DPP3: variants seen among roughly 807,000 people sequenced by gnomAD.
The protein encoded by DPP3 is DPP III.
Under a neutral mutation model 89.8 loss-of-function variants are expected in DPP3, and 64 were observed. The observed-to-expected ratio is 0.71, with a 90% CI of 0.58 to 0.88. DPP3 has a LOEUF of 0.88. DPP3 is among the 40% of genes least tolerant of loss of function. The pLI is 0.00. For synonymous variants in DPP3, 377 were observed against 404.3 expected (o/e 0.93, Z 0.81); for missense variants, 835 against 972.5 (o/e 0.86, Z 1.88).
At chr11:66,482,502 G>C in intron 2 of DPP3, 32 bp downstream of exon 2, 2 of 1,589,006 alleles carry the variant, frequency 1.3e-6, no homozygotes, top group Non-Finnish European at 8.5e-7. Context: ...CACATTACCT[G>C]AGTGGCTTCT....
intron 16 of DPP3, among the ~76,000 whole-genome samples, chr11:66,501,868 G>T (rs897323829): frequency 6.7e-6 from 1 of 148,300 alleles, no homozygotes; most frequent in African/African-American, 2.5e-5. Context: ...ATATGATTGA[G>T]AGTAAAACTC....
chr11:66,508,181 G>A lies in DPP3; in HGVS notation c.2042-898G>A, dbSNP rs541730278. 2.6e-5 allele frequency among the ~76,000 whole-genome samples: 4 copies of A among 152,354 alleles called. No individual in the cohort carries two copies. The East Asian group carries it at 5.8e-4, about 22-fold the overall frequency. ...TGCAGCTTGTGATGTCATGGAACAC[G>A]ACAAGGTGCACAGAGAGGGTAGAGC... On this transcript the variant is annotated intron_variant, in intron 17 of 17. Coordinates refer to ENST00000531863, the MANE Select transcript of DPP3 (RefSeq NM_130443.4).
chr11:66,495,520 T>C (rs1255692234), intron 14 of DPP3, 31 bp downstream of exon 14: 1 of 1,609,448 alleles, frequency 6.2e-7, no homozygotes, highest in Non-Finnish European at 8.5e-7. Flanking sequence ...GGGCGGGCTG[T>C]CCCGCTGCAG....
chr11:66,504,332 C>T (rs1397519629), intron 16 of DPP3, among the ~76,000 whole-genome samples: 1 of 152,040 alleles, frequency 6.6e-6, no homozygotes, highest in Non-Finnish European at 1.5e-5. Flanking sequence ...CAAGTGATCC[C>T]CTGCCTCCTC....
chr11:66,508,102 T>A lies in DPP3; in HGVS notation c.2042-977T>A, dbSNP rs1181102167. Among the ~76,000 whole-genome samples the A allele has an allele frequency of 8.5e-5, 13 of 152,332 alleles. No homozygotes were observed. In the South Asian group the frequency reaches 1.9e-3, roughly 22 times the overall value. On this transcript the variant is annotated intron_variant, in intron 17 of 17. Coordinates refer to ENST00000531863, the MANE Select transcript of DPP3 (RefSeq NM_130443.4). ...GTGTATTTGCCTGCGGTCACAAAGC[T>A]GTTGGGTGGCAGAGCCAGAACTTGA...
chr11:66,491,055 C>T (rs1177100166), intron 6 of DPP3, among the ~76,000 whole-genome samples, 198 bp from the exon 7 acceptor site: 1 of 152,112 alleles, frequency 6.6e-6, no homozygotes, highest in Admixed American at 6.5e-5. Context: ...AGGCGTAAGC[C>T]ACCATGCCCG....
rs1441207501 is a variant in DPP3, at chr11:66,490,767, G to GTTTTTTTTT, written c.668-482_668-481insTTTTTTTTT. On this transcript the variant is annotated intron_variant, in intron 6 of 17. Coordinates refer to ENST00000531863, the MANE Select transcript of DPP3 (RefSeq NM_130443.4). ...TTTGGGGTTTTGTTTTGTTTTTTTT[G>GTTTTTTTTT]TTTTGTTTTTTTTTTTTTTGAGATG... is the stretch of plus-strand genomic sequence containing the variant. Among the ~76,000 whole-genome samples the GTTTTTTTTT allele has an allele frequency of 2.9e-5, 4 of 138,088 alleles. No individual in the cohort carries two copies. The East Asian group carries it at 8.3e-4, about 29-fold the overall frequency. 90.6% of individuals were successfully genotyped at this position (138,088 alleles called of 152,430 possible).
rs1189692 is a variant in DPP3 at position 66,482,544 on chromosome 11, C to G, written c.270+74C>G. Reference sequence around the variant, plus strand: ...GAAAGACCAGGATGCAAATGTCTGTCTCTTTCAAGGGGTAGGTGGAGGATT... The same window carrying G: ...GAAAGACCAGGATGCAAATGTCTGTGTCTTTCAAGGGGTAGGTGGAGGATT... On this transcript the variant is annotated intron_variant, in intron 2 of 17. Transcript: ENST00000531863. The G allele has an allele frequency of 6.7e-4, 1,040 of 1,562,874 alleles. 2 individuals are homozygous for G. The African/African-American group carries it at 9.9e-3, about 15-fold the overall frequency.
chr11:66,485,343 A>G (rs536393449), intron 3 of DPP3, 81 bp downstream of exon 3: 26 of 1,382,436 alleles, frequency 1.9e-5, no homozygotes, highest in East Asian at 9.4e-5. Context: ...AGGAGCCCCA[A>G]CTGGAGTGTC....
At chr11:66,503,591 A>G (rs1855730783) in intron 16 of DPP3, among the ~76,000 whole-genome samples, 1 of 152,184 alleles carries the variant, frequency 6.6e-6, no homozygotes, top group Admixed American at 6.6e-5. Flanking sequence ...GGTGATTTAT[A>G]AAGAACAGAA....
rs201848080 is a variant in DPP3, at chr11:66,509,165, G to A, written c.2128G>A (p.Glu710Lys). The change falls in exon 18 of 18, where the codon GAG becomes AAG. Residue 710 changes from glutamate (E) to lysine (K), a missense_variant. By Grantham distance (56) the Glu-to-Lys change is moderately conservative. Coordinates refer to ENST00000531863, the MANE Select transcript of DPP3 (RefSeq NM_130443.4). Reference sequence around the variant, plus strand: ...TGAGCGTTTCCCAGAGGATGGACCCGAGTTGGAGGAGATCCTCACACAGCT... The same window carrying A: ...TGAGCGTTTCCCAGAGGATGGACCCAAGTTGGAGGAGATCCTCACACAGCT... ...FSERFPEDGP[E>K]LEEILTQLAT... The A allele has an allele frequency of 3.5e-5, 56 of 1,614,192 alleles. No individual in the cohort carries two copies. Among genetic ancestry groups the A allele is most frequent in the Non-Finnish European group, 4.6e-5 (54 of 1,180,046 alleles).
chr11:66,496,571 C>T (rs1220578714), intron 15 of DPP3, among the ~76,000 whole-genome samples: 1 of 152,098 alleles, frequency 6.6e-6, no homozygotes, highest in African/African-American at 2.4e-5. Context: ...TGCACCACCA[C>T]GCCCAGCTAA....
chr11:66,488,283 C>G (rs553650307), intron 6 of DPP3, among the ~76,000 whole-genome samples: 1 of 152,198 alleles, frequency 6.6e-6, no homozygotes, highest in Admixed American at 6.5e-5. Flanking sequence ...CCCTTCAGGC[C>G]GGGCATGGCA....
chr11:66,495,063 G>A, intron 12 of DPP3, 143 bp from the exon 13 acceptor site: 2 of 1,144,650 alleles, frequency 1.7e-6, no homozygotes, highest in South Asian at 2.7e-5. Context: ...AGGCGTCAGT[G>A]TGTGGACAGA....
At chr11:66,501,437 A>G (rs1050376071) in intron 16 of DPP3, among the ~76,000 whole-genome samples, 14 of 152,122 alleles carry the variant, frequency 9.2e-5, no homozygotes, top group African/African-American at 2.4e-4. Context: ...AAGACTACAT[A>G]CACAGCAGTG....
chr11:66,491,393 G>T lies in DPP3; in HGVS notation c.798+10G>T, dbSNP rs1292650143. ...GCTGGAGAAAGCCAAGGTTGGACTG[G>T]CTGGGGGCTGAGGGGTGCGGGCTGA... On this transcript the variant is annotated intron_variant, in intron 7 of 17. Coordinates refer to ENST00000531863, the MANE Select transcript of DPP3 (RefSeq NM_130443.4). The T allele has an allele frequency of 6.2e-7, 1 of 1,612,954 alleles. No individual in the cohort carries two copies. The highest frequency in any genetic ancestry group is 1.1e-5 in the South Asian group (1 of 91,044).
At chr11:66,485,295 T>TG (rs767245760) in intron 3 of DPP3, 33 bp downstream of exon 3, 1 of 1,551,046 alleles carries the variant, frequency 6.4e-7, no homozygotes, top group Non-Finnish European at 8.9e-7. Context: ...AAGGTGGGGA[T>TG]GGGGGGCTGG....
chr11:66,484,255 G>T (rs534133711), intron 2 of DPP3, among the ~76,000 whole-genome samples: 1 of 152,154 alleles, frequency 6.6e-6, no homozygotes, highest in African/African-American at 2.4e-5. Flanking sequence ...GGGATTACAG[G>T]TGTGAGCCAC....
chr11:66,485,120 T>C, intron 2 of DPP3, 53 bp from the exon 3 acceptor site: 1 of 1,547,352 alleles, frequency 6.5e-7, no homozygotes, highest in African/African-American at 1.4e-5. Context: ...GAGGTGTCGC[T>C]GGGGTCAGGG....
Sources: allele counts gnomAD v4.1 joint callset (sites outside exome capture counted in the v4.1 genomes callset), GRCh38; gene constraint gnomAD v4.1.1; transcripts MANE v1.5; gene names NCBI Gene and HGNC (gene_info 2026-07-23, HGNC 2026-07-21).